Variants in SFI1 observed in about 807,000 individuals in gnomAD.
The protein encoded by SFI1 is SFI1 centrin binding protein, also known as protein SFI1 homolog.
A neutral mutation model predicts 207.5 loss-of-function variants in SFI1; 195 were observed. The ratio of observed to expected loss-of-function variants is 0.94; its 90% CI spans 0.84 to 1.06. The LOEUF is 1.06. Among genes scored for constraint, SFI1 ranks in the 50% least tolerant of loss-of-function variants. The probability of loss-of-function intolerance (pLI) is 0.00; values close to 1 mark genes in which losing one functional copy is unlikely to be tolerated. For missense variants in SFI1, 1,634 were observed against 1,588.0 expected (o/e 1.03, Z -0.49); for synonymous variants, 630 against 598.9 (o/e 1.05, Z -0.76).
intron 3 of SFI1, chr22:31,530,664 G>A (rs1396318228): frequency 2.1e-6 from 1 of 471,888 alleles, no homozygotes; most frequent in East Asian, 6.9e-5. Context: ...TAACATTACA[G>A]GAGGGGTTTG....
At chr22:31,588,320 C>T (rs1214784249) in intron 14 of SFI1, among the ~76,000 whole-genome samples, 1 of 152,174 alleles carries the variant, frequency 6.6e-6, no homozygotes, top group Non-Finnish European at 1.5e-5. Flanking sequence ...AGTCAGCTAT[C>T]AGAGCTTCAA....
chr22:31,570,351 A>G (rs1223916858), intron 8 of SFI1, among the ~76,000 whole-genome samples: 1 of 152,196 alleles, frequency 6.6e-6, no homozygotes, highest in Non-Finnish European at 1.5e-5. Flanking sequence ...GTTTTGGCCT[A>G]AGCAGTTGGA....
At chr22:31,538,827 G>T (rs536982534) in intron 4 of SFI1, among the ~76,000 whole-genome samples, 1 of 152,046 alleles carries the variant, frequency 6.6e-6, no homozygotes, top group South Asian at 2.1e-4. Context: ...CCTAGTCTTT[G>T]CACTGCTTCT....
At chr22:31,550,592 G>A (rs2062065700) in intron 6 of SFI1, 1 of 403,870 alleles carries the variant, frequency 2.5e-6, no homozygotes, top group Non-Finnish European at 4.5e-6. Flanking sequence ...GAATTTGTGT[G>A]AACTGGCTGT....
chr22:31,567,382 T>A (rs130088), intron 8 of SFI1, among the ~76,000 whole-genome samples: 1,703 of 152,282 alleles, frequency 0.011, 32 homozygotes, highest in African/African-American at 0.039. Flanking sequence ...ACGCAGGGCC[T>A]GGCAGGCTGT....
chr22:31,604,879 G>A lies in SFI1; in HGVS notation c.1988G>A (p.Gly663Asp), dbSNP rs1462174341. The change falls in exon 20 of 33, where the codon GGC (glycine) becomes GAC (aspartate). Residue 663 changes from glycine to aspartate, a missense_variant. By Grantham distance (94) the Gly-to-Asp change is moderately conservative. Transcript: ENST00000400288. The stretch of plus-strand genomic sequence containing the variant: ...CCTTGTCCCCTACAGACTTACCAGG[G>A]CAGGGTGCGAAGCATCCTCCGGGAG... ...RALQAWVTYQGRVRSILREVA... is the reference protein window; with the variant it reads ...RALQAWVTYQDRVRSILREVA... 1 of 1,612,000 alleles carries A rather than the reference G, an allele frequency of 6.2e-7. No individual in the cohort carries two copies. The highest frequency in any genetic ancestry group is 1.7e-4 in the Middle Eastern group (1 of 6,052).
At position 31,592,978 on chromosome 22, in the gene SFI1, C is replaced by G. The variant is rs1273511452; in HGVS notation, c.1544+3401C>G. Among the ~76,000 whole-genome samples, 12 of 92,882 alleles carry G rather than the reference C, an allele frequency of 1.3e-4. 1 individual carries two copies. Among genetic ancestry groups the G allele is most frequent in the Non-Finnish European group, 2.0e-4 (9 of 45,376 alleles). The allele number at this position is 92,882 out of a possible 152,430, so 60.9% of individuals were successfully genotyped here. A position where few individuals can be genotyped will look rare whatever the true frequency, so the allele number is the denominator to read the frequency against. On this transcript the variant is annotated intron_variant, in intron 15 of 32. Coordinates refer to ENST00000400288, the MANE Select transcript of SFI1 (RefSeq NM_001007467.3). ...CTCCCGGACGGGGCGGCTGGCCGGGCGGGGGGCTGACCCCCCCACCTCCCT... is the reference window on the plus strand; with the variant it reads ...CTCCCGGACGGGGCGGCTGGCCGGGGGGGGGGCTGACCCCCCCACCTCCCT...
At chr22:31,580,499 A>C in intron 12 of SFI1, 135 bp downstream of exon 12, 1 of 601,132 alleles carries the variant, frequency 1.7e-6, no homozygotes, top group South Asian at 2.3e-5. Context: ...CAGACTGTCA[A>C]CTGTAAAACC....
intron 8 of SFI1, among the ~76,000 whole-genome samples, chr22:31,561,766 G>A (rs2295242): frequency 0.23 from 34,456 of 152,162 alleles, 4,348 homozygotes; most frequent in East Asian, 0.41. Context: ...AAGAAAACCT[G>A]TCTTCCTTTT....
At position 31,528,772 on chromosome 22, in the gene SFI1, C is replaced by G; in HGVS notation, c.175C>G (p.Arg59Gly). The G allele has an allele frequency of 6.2e-7, 1 of 1,614,066 alleles. No homozygotes were observed. The highest frequency in any genetic ancestry group is 1.1e-5 in the South Asian group (1 of 91,080). ...GAAGTCTTCTGCATCCTTTGGGATC[C>G]GGAGGGAGTTACCTAGTACCAGTCA... ...NKKSSASFGI[R>G]RELPSTSHLV... Residue 59 changes from arginine to glycine, a missense_variant, in exon 3 of 33, where the codon CGG becomes GGG. By Grantham distance (125) the Arg-to-Gly change is moderately radical. Coordinates refer to ENST00000400288, the MANE Select transcript of SFI1 (RefSeq NM_001007467.3).
chr22:31,508,427 A>G, intron 2 of SFI1, 51 bp downstream of exon 2: 1 of 1,290,912 alleles, frequency 7.7e-7, no homozygotes, highest in Admixed American at 1.9e-5. Context: ...TGGTTCATAT[A>G]AAACTAAACA....
At chr22:31,594,255 ATT>A (rs1016998553) in intron 15 of SFI1, among the ~76,000 whole-genome samples, 2 of 152,178 alleles carry the variant, frequency 1.3e-5, no homozygotes, top group Non-Finnish European at 2.9e-5. Context: ...CATCAACAAA[ATT>A]ACAAAGGTCG....
chr22:31,582,204 T>A (rs201503062), intron 12 of SFI1, among the ~76,000 whole-genome samples: 748 of 15,908 alleles, frequency 0.047, 181 homozygotes, highest in East Asian at 0.12. Context: ...CTTTATTACA[T>A]TTTATATATA....
intron 6 of SFI1, among the ~76,000 whole-genome samples, chr22:31,555,172 A>G (rs1269896276): frequency 6.6e-6 from 1 of 152,184 alleles, no homozygotes; most frequent in African/African-American, 2.4e-5. Flanking sequence ...GCTAGATATT[A>G]TGGAATAGAA....
chr22:31,548,357 G>T (rs988171614), intron 5 of SFI1, among the ~76,000 whole-genome samples: 1 of 151,680 alleles, frequency 6.6e-6, no homozygotes, highest in Non-Finnish European at 1.5e-5. Flanking sequence ...ATCACTTGAC[G>T]TTAGGAGTTC....
In SFI1 at chr22:31,568,223, TA is replaced by T. The variant is rs1437414719; in HGVS notation, c.766-4834del. ...GTGTGTGTGTGTGTATATATATATA[TA>T]TATTTTTTTTTTTTTACCATAAATG... On this transcript the variant is annotated intron_variant, in intron 8 of 32. Coordinates refer to ENST00000400288, the MANE Select transcript of SFI1 (RefSeq NM_001007467.3). 7.9e-3 allele frequency among the ~76,000 whole-genome samples: 1,007 copies of T among 127,814 alleles called. 12 individuals are homozygous for T. Among genetic ancestry groups the T allele is most frequent in the East Asian group, 0.032 (148 of 4,598 alleles). 83.9% of individuals were successfully genotyped at this position (127,814 alleles called of 152,430 possible).
At chr22:31,594,557 AAAAAAG>A (rs1367162211) in intron 15 of SFI1, among the ~76,000 whole-genome samples, 8 of 114,888 alleles carry the variant, frequency 7.0e-5, no homozygotes, top group African/African-American at 1.7e-4. Context: ...CAAAAAAAAA[AAAAAAG>A]AAAAGAAAAA....
Position 31,616,996 on chromosome 22 carries a change from A to G in SFI1, c.3434-4A>G, listed in dbSNP as rs768234783. ...CTGAAACAAGCTTACTTCTGTCGCCATAGGCAGCCTGGACCTTGAGGCTGA... is the reference window on the plus strand; with the variant it reads ...CTGAAACAAGCTTACTTCTGTCGCCGTAGGCAGCCTGGACCTTGAGGCTGA... On this transcript the variant is annotated splice_region_variant and splice_polypyrimidine_tract_variant and intron_variant, in intron 30 of 32. Coordinates refer to ENST00000400288, the MANE Select transcript of SFI1 (RefSeq NM_001007467.3). The G allele has an allele frequency of 2.5e-6, 4 of 1,614,056 alleles. No individual in the cohort carries two copies. The Admixed American group carries it at 5.0e-5, about 20-fold the overall frequency.
In SFI1 at chr22:31,613,440, G is replaced by C; in HGVS notation, c.2652G>C (p.Gln884His). Reference protein sequence around the residue: ...LQWALQAYQGQLLQEGATRLL... With the variant: ...LQWALQAYQGHLLQEGATRLL... Reference sequence around the variant, plus strand: ...GGGCGCTCCAGGCCTACCAGGGGCAGCTCCTCCAGGAGGGTGCCACGCGGC... The same window carrying C: ...GGGCGCTCCAGGCCTACCAGGGGCACCTCCTCCAGGAGGGTGCCACGCGGC... Residue 884 changes from glutamine to histidine, a missense_variant, in exon 26 of 33, where the codon CAG (glutamine) becomes CAC (histidine). Coordinates refer to ENST00000400288, the MANE Select transcript of SFI1 (RefSeq NM_001007467.3). 2 of 1,608,462 alleles carry C rather than the reference G, an allele frequency of 1.2e-6. No homozygotes were observed. Among genetic ancestry groups the C allele is most frequent in the Non-Finnish European group, 1.7e-6 (2 of 1,179,730 alleles).
Sources: allele counts gnomAD v4.1 joint callset (sites outside exome capture counted in the v4.1 genomes callset), GRCh38; gene constraint gnomAD v4.1.1; transcripts MANE v1.5; gene names NCBI Gene and HGNC (gene_info 2026-07-23, HGNC 2026-07-21).